The following TARDBP variants were observed in gnomAD, a reference collection of about 807,000 sequenced individuals.
TARDBP encodes TAR DNA-binding protein 43.
TARDBP carries 4 observed loss-of-function variants against 38.3 expected under a neutral mutation model. That is an observed-to-expected ratio of 0.10 (90% CI 0.05 to 0.24). TARDBP has a LOEUF of 0.24. Ranked by LOEUF, TARDBP falls within the 10% of genes least tolerant of loss-of-function variation. The pLI is 1.00. For synonymous variants in TARDBP, 184 were observed against 183.8 expected (o/e 1.00, Z -0.01); for missense variants, 202 against 521.9 (o/e 0.39, Z 5.97).
At chr1:11,016,012 A>C (rs1446735340) in intron 2 of TARDBP, 1 of 151,898 alleles carries the variant, frequency 6.6e-6, no homozygotes, top group East Asian at 1.9e-4. Flanking sequence ...ATCTTGGCTC[A>C]CTGCAACCTC....
At chr1:11,026,752 G>A, downstream of TARDBP, 1 of 652,328 alleles carries the variant, frequency 1.5e-6, no homozygotes, top group South Asian at 4.0e-5. Context: ...AGCCTCACCT[G>A]GAGTCTGTTT....
chr1:11,021,980 G>A, intron 5 of TARDBP, 144 bp from the exon 6 acceptor site: 1 of 874,926 alleles, frequency 1.1e-6, no homozygotes, highest in Non-Finnish European at 1.8e-6. Flanking sequence ...AGCTGTATTG[G>A]GGGTTTAAAT....
intron 3 of TARDBP, among the ~76,000 whole-genome samples, 157 bp downstream of exon 3, chr1:11,017,164 G>A (rs1367405967): frequency 2.7e-5 from 4 of 150,940 alleles, no homozygotes; most frequent in Admixed American, 2.6e-4. Flanking sequence ...ACCCCAATGT[G>A]CTGAGCCACC....
At chr1:11,026,123 G>A (rs1643728485), downstream of TARDBP, 1 of 154,496 alleles carries the variant, frequency 6.5e-6, no homozygotes, top group South Asian at 2.0e-4. Flanking sequence ...TCCAATTGCT[G>A]GGAATATCCT....
chr1:11,017,030 A>C, intron 3 of TARDBP, 23 bp downstream of exon 3: 3 of 1,613,202 alleles, frequency 1.9e-6, no homozygotes, highest in Non-Finnish European at 2.5e-6. Context: ...TGCATCAAAC[A>C]GTTTTTCTTT....
intron 3 of TARDBP, chr1:11,018,370 G>C (rs945752483): frequency 2.3e-5 from 6 of 262,350 alleles, no homozygotes; most frequent in Non-Finnish European, 4.5e-5. Context: ...TGTATTTTTT[G>C]TAGAGACAGG....
rs80356744 is a variant in TARDBP at position 11,022,737 on chromosome 1, T to C, written c.*83T>C. Reference sequence around the variant, plus strand: ...CATGGTAAGTATATTGTAAAATACATATGTACTAAGAATTTTCAAAATTGG... The same window carrying C: ...CATGGTAAGTATATTGTAAAATACACATGTACTAAGAATTTTCAAAATTGG... On this transcript the variant is annotated 3_prime_UTR_variant, in exon 6 of 6. Transcript: ENST00000240185. The surrounding 1 kb of genome is among the most constrained non-coding windows in gnomAD (Gnocchi z 4.5). 20 of 1,523,352 alleles carry C rather than the reference T, an allele frequency of 1.3e-5. No individual in the cohort carries two copies. Among genetic ancestry groups the C allele is most frequent in the Admixed American group, 8.8e-5 (4 of 45,470 alleles). The allele number at this position is 1,523,352 out of a possible 1,614,324, so 94.4% of individuals were successfully genotyped here. A position where few individuals can be genotyped will look rare whatever the true frequency, so the allele number is the denominator to read the frequency against.
downstream of TARDBP, chr1:11,027,670 T>C: frequency 6.4e-7 from 1 of 1,554,672 alleles, no homozygotes; most frequent in Non-Finnish European, 8.7e-7. Flanking sequence ...AGCAGATAGG[T>C]AGAGAGCCTT....
chr1:11,022,941 C>G lies in TARDBP; in HGVS notation c.*287C>G, dbSNP rs1557661082. On this transcript the variant is annotated 3_prime_UTR_variant, in exon 6 of 6. Transcript: ENST00000240185. This position sits in a 1 kb window ranked among gnomAD's most constrained non-coding sequence, Gnocchi z 4.5. ...CACTACAATTGATATCAAAAGGTTTCTCCTGTAATATTTTATCCCTGGACT... is the reference window on the plus strand; with the variant it reads ...CACTACAATTGATATCAAAAGGTTTGTCCTGTAATATTTTATCCCTGGACT... The G allele has an allele frequency of 5.1e-6, 7 of 1,366,440 alleles. No homozygotes were observed. The highest frequency in any genetic ancestry group is 9.4e-7 in the Non-Finnish European group (1 of 1,060,288). The allele number at this position is 1,366,440 out of a possible 1,614,324, so 84.6% of individuals were successfully genotyped here.
downstream of TARDBP, among the ~76,000 whole-genome samples, chr1:11,028,453 A>C (rs895987249): frequency 1.3e-5 from 2 of 152,196 alleles, no homozygotes; most frequent in Non-Finnish European, 2.9e-5. Context: ...AGAATGTTGC[A>C]GTTGTGGCTA....
intron 1 of TARDBP, among the ~76,000 whole-genome samples, 170 bp from the exon 2 acceptor site, chr1:11,013,546 C>A (rs1643456877): frequency 1.3e-5 from 2 of 152,190 alleles, no homozygotes; most frequent in Admixed American, 1.3e-4. Flanking sequence ...GATAGGAAAT[C>A]ACTACCCTTA....
chr1:11,018,927 G>A, intron 4 of TARDBP, 54 bp downstream of exon 4: 1 of 1,611,508 alleles, frequency 6.2e-7, no homozygotes, highest in Non-Finnish European at 8.5e-7. Flanking sequence ...TTAGAGGATT[G>A]TAAGATAAAA....
downstream of TARDBP, chr1:11,027,319 C>A (rs1643754233): frequency 6.2e-7 from 1 of 1,613,972 alleles, no homozygotes; most frequent in Non-Finnish European, 8.5e-7. Context: ...CTATTGATTA[C>A]AACTTTGTTA....
At chr1:11,027,260 C>T (rs753951316), downstream of TARDBP, 14 of 1,614,138 alleles carry the variant, frequency 8.7e-6, no homozygotes, top group South Asian at 1.1e-4. Context: ...CATCTGTCCT[C>T]ATAAAGGATT....
At chr1:11,017,126 C>A in intron 3 of TARDBP, 119 bp downstream of exon 3, 1 of 1,151,852 alleles carries the variant, frequency 8.7e-7, no homozygotes, top group Non-Finnish European at 1.3e-6. Flanking sequence ...GCGTCAAACT[C>A]CTGGGCCCAT....
downstream of TARDBP, among the ~76,000 whole-genome samples, chr1:11,029,386 C>T (rs530457921): frequency 1.3e-3 from 200 of 150,500 alleles, 2 homozygotes; most frequent in African/African-American, 4.5e-3. Flanking sequence ...GGCAAGAGAG[C>T]GAGATTCCGT....
At chr1:11,027,018 T>G (rs1643745418), downstream of TARDBP, 3 of 1,598,934 alleles carry the variant, frequency 1.9e-6, no homozygotes, top group African/African-American at 2.7e-5. Flanking sequence ...CCTCTCTGTT[T>G]CACTATCTAG....
At chr1:11,016,517 G>C (rs181092003) in intron 2 of TARDBP, among the ~76,000 whole-genome samples, 1 of 152,154 alleles carries the variant, frequency 6.6e-6, no homozygotes, top group African/African-American at 2.4e-5. Context: ...ATCTTCATCA[G>C]GATATACAAG....
At chr1:11,013,594 A>G (rs1325935437) in intron 1 of TARDBP, 122 bp from the exon 2 acceptor site, 7 of 802,670 alleles carry the variant, frequency 8.7e-6, no homozygotes, top group South Asian at 6.1e-5. Context: ...ACCAATGCAT[A>G]TACGAATCCA....
Sources: gnomAD v4.1 joint callset for allele counts (sites outside exome capture counted in the v4.1 genomes callset) on GRCh38, gnomAD v4.1.1 for gene constraint, Gnocchi (gnomAD v3.1) non-coding constraint, MANE v1.5 for transcripts, NCBI Gene and HGNC (gene_info 2026-07-23, HGNC 2026-07-21) for gene names.